JUP: variants seen among roughly 807,000 people sequenced by gnomAD.
JUP encodes the protein catenin (cadherin-associated protein), gamma 80kDa.
Under a neutral mutation model 71.1 loss-of-function variants are expected in JUP, and 28 were observed. The observed-to-expected ratio is 0.39, with a 90% CI of 0.29 to 0.54. The LOEUF (loss-of-function observed/expected upper bound fraction) is 0.54. JUP is among the 20% of genes least tolerant of loss of function. JUP has a pLI of 0.62. For missense variants in JUP, 869 were observed against 1,030.1 expected (o/e 0.84, Z 2.14); for synonymous variants, 401 against 438.9 (o/e 0.91, Z 1.08).
chr17:41,777,382 G>A (rs1390792102), intron 1 of JUP, among the ~76,000 whole-genome samples: 1 of 152,154 alleles, frequency 6.6e-6, no homozygotes, highest in Non-Finnish European at 1.5e-5. Flanking sequence ...TCCTGCTGAG[G>A]TCTGGCCAGC....
rs782094877 is a variant in JUP at position 41,757,466 on chromosome 17, G to C, written c.1995C>G (p.Ser665=). 1 of 1,614,086 alleles carries C rather than the reference G, an allele frequency of 6.2e-7. No homozygotes were observed. The highest frequency in any genetic ancestry group is 1.7e-5 in the Admixed American group (1 of 60,000). Residue 665 remains serine, a synonymous_variant, in exon 12 of 14, where the codon TCC becomes TCG. Coordinates refer to ENST00000393931, the MANE Select transcript of JUP (RefSeq NM_002230.4). The part of the protein sequence containing the change: ...DKNPDYRKRV[S]VELTNSLFKH... The stretch of plus-strand genomic sequence containing the variant: ...TGAAGAGGGAGTTGGTGAGCTCCAC[G>C]GACACGCGCTTCCGGTAGTCTGGGT...
chr17:41,757,330 G>A, intron 12 of JUP, 85 bp downstream of exon 12: 1 of 1,399,876 alleles, frequency 7.1e-7, no homozygotes, highest in Non-Finnish European at 1.0e-6. Flanking sequence ...GAAGTTGACA[G>A]TAGTAGGAGA....
Position 41,767,487 on chromosome 17 carries a change from G to A in JUP, c.801C>T (p.Ala267=), listed in dbSNP as rs138397457. ...GGGGCACCATCTTTTGCAGCCCGTC[G>A]GCCAGGCGCACGGCCATCTTGGCGC... ...QEGAKMAVRL[A]DGLQKMVPLL... Residue 267 remains alanine (A), a synonymous_variant, in exon 5 of 14, where the codon GCC becomes GCT. Transcript: ENST00000393931. 9.5e-5 allele frequency: 154 copies of A among 1,614,042 alleles called. No individual in the cohort carries two copies. The highest frequency in any genetic ancestry group is 3.2e-4 in the Admixed American group (19 of 60,014).
chr17:41,765,009 C>A lies in JUP; in HGVS notation c.968G>T (p.Ser323Ile). Residue 323 changes from serine (S) to isoleucine (I), a missense_variant, in exon 6 of 14, where the codon AGT becomes ATT. Transcript: ENST00000393931. ...QALVQIMRNY[S>I]YEKLLWTTSR... The stretch of plus-strand genomic sequence containing the variant: ...GGTGGTCCAGAGCAGCTTTTCATAA[C>A]TGTAGTTACGCATGATCTGCACGAG... 1.9e-6 allele frequency: 3 copies of A among 1,614,112 alleles called. No homozygotes were observed. Among genetic ancestry groups the A allele is most frequent in the Non-Finnish European group, 2.5e-6 (3 of 1,180,006 alleles).
chr17:41,765,386 C>CT (rs2143608755), intron 5 of JUP, among the ~76,000 whole-genome samples: 1 of 150,952 alleles, frequency 6.6e-6, no homozygotes, highest in African/African-American at 2.4e-5. Flanking sequence ...GAGTCTCGCT[C>CT]TGTCACCCAG....
intron 1 of JUP, among the ~76,000 whole-genome samples, chr17:41,773,275 G>A (rs186413518): frequency 2.4e-3 from 360 of 152,330 alleles, no homozygotes; most frequent in Middle Eastern, 0.017. Flanking sequence ...GATCACCAAG[G>A]ATAAGTCTTC....
chr17:41,762,405 T>C (rs985007179), intron 8 of JUP, among the ~76,000 whole-genome samples: 13 of 151,906 alleles, frequency 8.6e-5, no homozygotes, highest in Non-Finnish European at 1.9e-4. Flanking sequence ...TTCTTTTCTT[T>C]TAAGACACGG....
Position 41,763,071 on chromosome 17 carries a change from T to G in JUP, c.1409A>C (p.Glu470Ala). Residue 470 changes from glutamate to alanine, a missense_variant, in exon 8 of 14, where the codon GAG (glutamate) becomes GCG (alanine). Transcript: ENST00000393931. The part of the protein sequence containing the change: ...RHLTSRHPEA[E>A]MAQNSVRLNY... ...GAGACGCACAGAGTTCTGGGCCATC[T>G]CGGCCTCAGGGTGGCGGCTAGTGAG... is the stretch of plus-strand genomic sequence containing the variant. 1 of 1,614,064 alleles carries G rather than the reference T, an allele frequency of 6.2e-7. No homozygotes were observed. Among genetic ancestry groups the G allele is most frequent in the Non-Finnish European group, 8.5e-7 (1 of 1,179,912 alleles).
Position 41,764,703 on chromosome 17 carries a change from C to T in JUP, c.1158+10G>A. ...AAGAGGTCAACCCCAGGCCCAGATA[C>T]CTCCCTCACCTGCTTGGTGGCCACA... On this transcript the variant is annotated intron_variant, in intron 7 of 13. Coordinates refer to ENST00000393931, the MANE Select transcript of JUP (RefSeq NM_002230.4). The T allele has an allele frequency of 6.2e-7, 1 of 1,610,832 alleles. No homozygotes were observed. Among genetic ancestry groups the T allele is most frequent in the East Asian group, 2.2e-5 (1 of 44,850 alleles).
chr17:41,757,226 TA>T (rs1555598423), intron 12 of JUP, among the ~76,000 whole-genome samples, 188 bp downstream of exon 12: 2 of 152,186 alleles, frequency 1.3e-5, no homozygotes, highest in African/African-American at 4.8e-5. Flanking sequence ...TTGGGCAAAA[TA>T]AAAATTGGCA....
At position 41,769,213 on chromosome 17, in the gene JUP, G is replaced by A. The variant is rs782064964; in HGVS notation, c.469-6C>T. 6.3e-7 allele frequency: 1 copy of A among 1,599,640 alleles called. No individual in the cohort carries two copies. Among genetic ancestry groups the A allele is most frequent in the Non-Finnish European group, 8.5e-7 (1 of 1,179,568 alleles). ...GCCGCCTTGGTCACCACCACCTGGA[G>A]GGCAAAGGCAGGGGCGGGGACGTGA... On this transcript the variant is annotated splice_polypyrimidine_tract_variant and splice_region_variant and intron_variant, in intron 3 of 13. Coordinates refer to ENST00000393931, the MANE Select transcript of JUP (RefSeq NM_002230.4).
At chr17:41,773,879 C>T (rs1392446165) in intron 1 of JUP, among the ~76,000 whole-genome samples, 3 of 152,216 alleles carry the variant, frequency 2.0e-5, no homozygotes, top group East Asian at 3.8e-4. Context: ...CAAGTAAACA[C>T]GGTAGCAATA....
chr17:41,778,043 C>T (rs1033696663), intron 1 of JUP, among the ~76,000 whole-genome samples: 4 of 152,196 alleles, frequency 2.6e-5, no homozygotes, highest in African/African-American at 4.8e-5. Context: ...TACACAAGTA[C>T]TCTCATTCCA....
chr17:41,761,019 T>C (rs1157202982), intron 8 of JUP, among the ~76,000 whole-genome samples: 2 of 152,116 alleles, frequency 1.3e-5, no homozygotes, highest in South Asian at 2.1e-4. Context: ...TACATATAGA[T>C]ATACACACAC....
chr17:41,757,510 G>A lies in JUP; in HGVS notation c.1951C>T (p.Arg651Cys), dbSNP rs1555598694. Reference protein sequence around the residue: ...TATYAAAVLFRISEDKNPDYR... With the variant: ...TATYAAAVLFCISEDKNPDYR... ...TCTGGGTTCTTGTCCTCGGAGATGC[G>A]GAACAGGACGGCAGCAGCGTAGGTG... Residue 651 changes from arginine to cysteine, a missense_variant, in exon 12 of 14, where the codon CGC becomes TGC. By Grantham distance (180) the Arg-to-Cys change is radical. Coordinates refer to ENST00000393931, the MANE Select transcript of JUP (RefSeq NM_002230.4). 3.7e-6 allele frequency: 6 copies of A among 1,614,052 alleles called. No homozygotes were observed. The highest frequency in any genetic ancestry group is 2.2e-5 in the East Asian group (1 of 44,892).
chr17:41,778,290 T>C (rs564529447), intron 1 of JUP, among the ~76,000 whole-genome samples: 2 of 152,228 alleles, frequency 1.3e-5, no homozygotes, highest in African/African-American at 4.8e-5. Context: ...GTAGGCAGGG[T>C]GCAGTGGCTC....
At chr17:41,756,283 T>C in intron 12 of JUP, 69 bp from the exon 13 acceptor site, 1 of 1,491,588 alleles carries the variant, frequency 6.7e-7, no homozygotes, top group Admixed American at 1.7e-5. Flanking sequence ...TCTCAGCTGG[T>C]GGGCAGGGAG....
rs782555688 is a variant in JUP, at chr17:41,758,734, C to T, written c.1634G>A (p.Gly545Asp). 1 of 1,603,224 alleles carries T rather than the reference C, an allele frequency of 6.2e-7. No individual in the cohort carries two copies. The highest frequency in any genetic ancestry group is 8.5e-7 in the Non-Finnish European group (1 of 1,175,060). ...ACATACCGTGTAGGGCTGCTGTGTG[C>T]CTGCAGCTACGTGGCGCTGGGCATC... ...HQDAQRHVAA[G>D]TQQPYTDGVR... is the part of the protein sequence containing the mutation. The change falls in exon 9 of 14, where the codon GGC becomes GAC. Residue 545 changes from glycine to aspartate, a missense_variant. Transcript: ENST00000393931.
In JUP at chr17:41,763,402, G is replaced by T. The variant is rs549755211; in HGVS notation, c.1159-81C>A. 12 of 1,073,862 alleles carry T rather than the reference G, an allele frequency of 1.1e-5. No homozygotes were observed. The African/African-American group carries it at 1.7e-4, about 15-fold the overall frequency. The allele number at this position is 1,073,862 out of a possible 1,614,324, so 66.5% of individuals were successfully genotyped here. A position where few individuals can be genotyped will look rare whatever the true frequency, so the allele number is the denominator to read the frequency against. ...TCTCGAATATGTCCAAGGGGAGTGG[G>T]ATGACCTAAAGGGGTCAGCCCTGCC... On this transcript the variant is annotated intron_variant, in intron 7 of 13. Transcript: ENST00000393931.
Sources: allele counts gnomAD v4.1 joint callset (sites outside exome capture counted in the v4.1 genomes callset), GRCh38; gene constraint gnomAD v4.1.1; transcripts MANE v1.5; gene names NCBI Gene and HGNC (gene_info 2026-07-23, HGNC 2026-07-21).